ANK2: variants seen among roughly 807,000 people sequenced by gnomAD.
ANK2 encodes the protein ankyrin 2, also known as ankyrin-2.
In ANK2, 83 loss-of-function variants were observed where a neutral mutation model predicts 360.5. The observed-to-expected ratio is 0.23, with a 90% CI of 0.19 to 0.28. The LOEUF is 0.28. ANK2 is among the 10% of genes least tolerant of loss of function. The probability of loss-of-function intolerance (pLI) is 1.00; values close to 1 mark genes in which losing one functional copy is unlikely to be tolerated. For missense variants in ANK2, 4,201 were observed against 4,795.7 expected (o/e 0.88, Z 3.66); for synonymous variants, 1,740 against 1,759.5 (o/e 0.99, Z 0.28).
At chr4:112,730,837 C>T in the ANK2 span, among the ~76,000 whole-genome samples, 1 of 149,050 alleles carries the variant, frequency 6.7e-6, no homozygotes, top group African/African-American at 2.5e-5. Context: ...CATAGTGAGA[C>T]ACTGTCTCTA....
At chr4:112,936,635 C>T (rs559058558) in intron 2 of ANK2, among the ~76,000 whole-genome samples, 8 of 152,288 alleles carry the variant, frequency 5.3e-5, no homozygotes, top group Admixed American at 2.0e-4. Context: ...TGAGCCACCA[C>T]GCCCGGCCAG....
chr4:113,369,147 C>T (rs2154064570), intron 42 of ANK2, among the ~76,000 whole-genome samples: 1 of 152,128 alleles, frequency 6.6e-6, no homozygotes, highest in East Asian at 1.9e-4. Flanking sequence ...CTTCAAAAGC[C>T]TTATTATCTA....
the ANK2 span, among the ~76,000 whole-genome samples, chr4:112,796,515 A>ATT: frequency 1.3e-5 from 2 of 151,666 alleles, no homozygotes; most frequent in South Asian, 2.1e-4. Flanking sequence ...TAACTATTAA[A>ATT]TTTTTTTTAA....
intron 2 of ANK2, among the ~76,000 whole-genome samples, chr4:113,185,668 A>T (rs1190978172): frequency 6.6e-6 from 1 of 152,012 alleles, no homozygotes. Context: ...TTGCCTATTT[A>T]CTCTGATGAA....
chr4:112,717,837 A>G, the ANK2 span, among the ~76,000 whole-genome samples: 3 of 152,172 alleles, frequency 2.0e-5, no homozygotes, highest in Admixed American at 2.0e-4. Context: ...TACCAGGGCT[A>G]TTGACTAAAT....
intron 10 of ANK2, among the ~76,000 whole-genome samples, chr4:113,251,693 A>G (rs1046804414): frequency 6.6e-6 from 1 of 151,896 alleles, no homozygotes; most frequent in African/African-American, 2.4e-5. Flanking sequence ...CGTGTTAGCC[A>G]GGATGGTCTT....
At chr4:112,966,784 C>G (rs1187052490) in intron 2 of ANK2, among the ~76,000 whole-genome samples, 1 of 152,106 alleles carries the variant, frequency 6.6e-6, no homozygotes, top group Non-Finnish European at 1.5e-5. Context: ...TTAAAAAAAT[C>G]TTGATCTATG....
At chr4:113,157,107 CT>C (rs1158936350) in intron 1 of ANK2, among the ~76,000 whole-genome samples, 5 of 151,786 alleles carry the variant, frequency 3.3e-5, no homozygotes, top group Non-Finnish European at 5.9e-5. Context: ...GCTTTAATAG[CT>C]CTTCAATCAA....
At chr4:113,157,269 T>A (rs975267535) in intron 1 of ANK2, among the ~76,000 whole-genome samples, 1 of 152,172 alleles carries the variant, frequency 6.6e-6, no homozygotes, top group African/African-American at 2.4e-5. Flanking sequence ...GTTTCATCTA[T>A]CTTGGAAGGG....
intron 10 of ANK2, among the ~76,000 whole-genome samples, chr4:113,254,164 C>T (rs190664188): frequency 6.6e-6 from 1 of 152,306 alleles, no homozygotes; most frequent in Admixed American, 6.5e-5. Context: ...TACACAAACT[C>T]CCTAGGCCAT....
intron 2 of ANK2, among the ~76,000 whole-genome samples, chr4:113,035,248 G>C (rs927033173): frequency 6.6e-6 from 1 of 151,580 alleles, no homozygotes; most frequent in Non-Finnish European, 1.5e-5. Flanking sequence ...AAATACAGAG[G>C]CATATTAAGC....
chr4:112,899,052 C>G (rs992380334), intron 1 of ANK2, among the ~76,000 whole-genome samples: 1 of 152,182 alleles, frequency 6.6e-6, no homozygotes, highest in Admixed American at 6.5e-5. Flanking sequence ...GCCTTGTGTG[C>G]TGCTTTCTAG....
the ANK2 span, among the ~76,000 whole-genome samples, chr4:112,760,052 C>T: frequency 2.0e-5 from 3 of 152,168 alleles, no homozygotes; most frequent in Non-Finnish European, 4.4e-5. Context: ...CCCCCTACCC[C>T]AGGCTCCTTG....
intron 2 of ANK2, among the ~76,000 whole-genome samples, chr4:112,921,414 C>G (rs1338016441): frequency 7.4e-6 from 1 of 134,884 alleles, no homozygotes; most frequent in African/African-American, 2.8e-5. Flanking sequence ...GTTCCATAAT[C>G]TGACATTCTA....
chr4:113,319,269 A>T (rs1401756374), intron 26 of ANK2, among the ~76,000 whole-genome samples: 1 of 152,092 alleles, frequency 6.6e-6, no homozygotes, highest in African/African-American at 2.4e-5. Context: ...AACATACTTA[A>T]AGTTGTTCTT....
At chr4:112,775,349 C>A in the ANK2 span, among the ~76,000 whole-genome samples, 2 of 151,794 alleles carry the variant, frequency 1.3e-5, no homozygotes, top group Non-Finnish European at 2.9e-5. Context: ...TGAAACCCTG[C>A]CTCTACTAAA....
At chr4:112,950,907 C>T (rs1259875943) in intron 2 of ANK2, among the ~76,000 whole-genome samples, 1 of 150,248 alleles carries the variant, frequency 6.7e-6, no homozygotes, top group Admixed American at 6.6e-5. Flanking sequence ...ACGGTGAAAC[C>T]CCGTCTCTAC....
chr4:113,113,196 T>TTC lies in ANK2; in HGVS notation c.85-61220_85-61219insTC, dbSNP rs1554135212. Among the ~76,000 whole-genome samples the TTC allele has an allele frequency of 3.5e-3, 535 of 151,188 alleles. 3 individuals carry two copies. The highest frequency in any genetic ancestry group is 0.012 in the African/African-American group (500 of 41,234). Reference sequence around the variant, plus strand: ...AAGTGAGCACATTCTTTTTTTTTTTTCCCTGATTAGGTGATGTTTTAACTG... The same window carrying TTC: ...AAGTGAGCACATTCTTTTTTTTTTTTTCCCCTGATTAGGTGATGTTTTAACTG... On this transcript the variant is annotated intron_variant, in intron 1 of 45. Transcript: ENST00000357077.
At chr4:113,139,967 C>A (rs1350173349) in intron 1 of ANK2, among the ~76,000 whole-genome samples, 2 of 152,082 alleles carry the variant, frequency 1.3e-5, no homozygotes, top group Non-Finnish European at 2.9e-5. Flanking sequence ...TTTATATTGA[C>A]CTCAATTAGA....
Sources: allele counts gnomAD v4.1 joint callset (sites outside exome capture counted in the v4.1 genomes callset), GRCh38; gene constraint gnomAD v4.1.1; transcripts MANE v1.5; gene names NCBI Gene and HGNC (gene_info 2026-07-23, HGNC 2026-07-21).